Variants in CAB39 observed in about 807,000 individuals in gnomAD.
CAB39 encodes the protein calcium-binding protein 39.
In CAB39, 8 loss-of-function variants were observed where a neutral mutation model predicts 40.0. The ratio of observed to expected loss-of-function variants is 0.20; its 90% CI spans 0.12 to 0.36. The LOEUF is 0.36. Among genes scored for constraint, CAB39 ranks in the 10% least tolerant of loss-of-function variants. The pLI is 1.00. For synonymous variants in CAB39, 156 were observed against 141.6 expected, an observed-to-expected ratio of 1.10 and a Z score of -0.72; for missense variants, 270 against 401.1, an observed-to-expected ratio of 0.67 and a Z score of 2.79.
chr2:230,730,681 T>C (rs1310125869), intron 1 of CAB39, among the ~76,000 whole-genome samples: 3 of 152,090 alleles, frequency 2.0e-5, no homozygotes, highest in Non-Finnish European at 4.4e-5. Flanking sequence ...TGACCTCAGG[T>C]GATCCACCTG....
At chr2:230,726,511 A>G (rs556808411) in intron 1 of CAB39, among the ~76,000 whole-genome samples, 1 of 152,110 alleles carries the variant, frequency 6.6e-6, no homozygotes, top group Non-Finnish European at 1.5e-5. Flanking sequence ...ACTTGTGTTC[A>G]TTATAGTTAT....
At chr2:230,786,443 G>A (rs1695796234) in intron 2 of CAB39, among the ~76,000 whole-genome samples, 1 of 152,122 alleles carries the variant, frequency 6.6e-6, no homozygotes, top group Non-Finnish European at 1.5e-5. Flanking sequence ...GTACAATTCA[G>A]TGGTTTTTAA....
At chr2:230,796,269 T>TTTC (rs1449551194) in intron 4 of CAB39, among the ~76,000 whole-genome samples, 2 of 152,182 alleles carry the variant, frequency 1.3e-5, no homozygotes, top group Non-Finnish European at 2.9e-5. Context: ...CTGTTAGATA[T>TTTC]TTATTTGCGG....
rs1288649429 is a variant in CAB39 at position 230,729,613 on chromosome 2, C to T, written c.-44+16383C>T. ...TAAAAATACAAAAAAATCAGCTGGG[C>T]GTGGTGGCATGTGCCTGTAATCCCA... On this transcript the variant is annotated intron_variant, in intron 1 of 8. Transcript: ENST00000258418. 3.3e-5 allele frequency among the ~76,000 whole-genome samples: 5 copies of T among 152,000 alleles called. 1 individual carries two copies. Among genetic ancestry groups the T allele is most frequent in the South Asian group, 2.1e-4 (1 of 4,812 alleles).
intron 3 of CAB39, among the ~76,000 whole-genome samples, chr2:230,791,954 G>C (rs771354880): frequency 2.0e-5 from 3 of 152,176 alleles, no homozygotes; most frequent in Admixed American, 6.5e-5. Flanking sequence ...CCCAGTGTTT[G>C]TCAGCCTGAG....
intron 1 of CAB39, among the ~76,000 whole-genome samples, chr2:230,725,684 A>G (rs1391375942): frequency 6.6e-6 from 1 of 152,182 alleles, no homozygotes; most frequent in Non-Finnish European, 1.5e-5. Flanking sequence ...ATGTAGAATC[A>G]TCCTGGAACA....
intron 2 of CAB39, among the ~76,000 whole-genome samples, chr2:230,783,905 G>A (rs1695742280): frequency 1.3e-5 from 2 of 152,308 alleles, no homozygotes; most frequent in Non-Finnish European, 2.9e-5. Flanking sequence ...GATCAGGAAT[G>A]CTGATTTTCA....
At chr2:230,715,778 C>T (rs1282069942) in intron 1 of CAB39, among the ~76,000 whole-genome samples, 1 of 152,232 alleles carries the variant, frequency 6.6e-6, no homozygotes, top group African/African-American at 2.4e-5. Context: ...ACATGGCTCA[C>T]TGCAACCTCA....
chr2:230,816,742 G>A (rs1696408650), intron 7 of CAB39, among the ~76,000 whole-genome samples: 1 of 152,162 alleles, frequency 6.6e-6, no homozygotes, highest in Non-Finnish European at 1.5e-5. Flanking sequence ...ACTGATGCTC[G>A]TTTCTCACTG....
intron 1 of CAB39, among the ~76,000 whole-genome samples, chr2:230,733,205 T>C (rs1694726179): frequency 6.6e-6 from 1 of 152,202 alleles, no homozygotes; most frequent in South Asian, 2.1e-4. Flanking sequence ...CTGATGTATT[T>C]ATTCATCGTG....
At chr2:230,778,654 T>C (rs1340996414) in intron 2 of CAB39, among the ~76,000 whole-genome samples, 4 of 152,198 alleles carry the variant, frequency 2.6e-5, no homozygotes, top group Admixed American at 1.3e-4. Context: ...AAAAATCTCA[T>C]AGCCTTAGTG....
At chr2:230,789,623 C>A (rs1232998162) in intron 2 of CAB39, among the ~76,000 whole-genome samples, 1 of 152,170 alleles carries the variant, frequency 6.6e-6, no homozygotes, top group East Asian at 1.9e-4. Flanking sequence ...TGGTTCCTAG[C>A]CTTGGCTACT....
chr2:230,819,509 G>T lies in CAB39; in HGVS notation c.*805G>T, dbSNP rs770780267. The T allele has an allele frequency of 5.2e-5, 8 of 152,546 alleles. No homozygotes were observed. The highest frequency in any genetic ancestry group is 1.0e-4 in the Non-Finnish European group (7 of 68,010). 9.4% of individuals were successfully genotyped at this position (152,546 alleles called of 1,614,324 possible). A position where few individuals can be genotyped will look rare whatever the true frequency, so the allele number is the denominator to read the frequency against. Reference sequence around the variant, plus strand: ...CTTAGAATGCTCATTTCTTTTAAATGGTTTAATTTGTACAGCAGAGGAATG... The same window carrying T: ...CTTAGAATGCTCATTTCTTTTAAATTGTTTAATTTGTACAGCAGAGGAATG... On this transcript the variant is annotated 3_prime_UTR_variant, in exon 9 of 9. Transcript: ENST00000258418.
At chr2:230,793,616 C>T (rs1042167367) in intron 4 of CAB39, among the ~76,000 whole-genome samples, 21 of 152,094 alleles carry the variant, frequency 1.4e-4, no homozygotes, top group African/African-American at 4.8e-4. Context: ...GGTCTTATTT[C>T]TGTTCTCTAG....
intron 6 of CAB39, 53 bp downstream of exon 6, chr2:230,810,375 G>A (rs918937578): frequency 4.5e-6 from 3 of 669,266 alleles, no homozygotes; most frequent in Non-Finnish European, 7.5e-6. Context: ...TTTGTTACCA[G>A]AAATGAAAGA....
At chr2:230,754,785 G>A (rs1695160701) in intron 1 of CAB39, among the ~76,000 whole-genome samples, 1 of 152,102 alleles carries the variant, frequency 6.6e-6, no homozygotes, top group Non-Finnish European at 1.5e-5. Flanking sequence ...TCCCAAAATG[G>A]TGGGATTACA....
intron 1 of CAB39, among the ~76,000 whole-genome samples, chr2:230,757,730 A>G (rs1452766801): frequency 1.3e-5 from 2 of 152,214 alleles, no homozygotes; most frequent in African/African-American, 4.8e-5. Context: ...TTGCAGAGTT[A>G]CAGATAGGAA....
intron 1 of CAB39, among the ~76,000 whole-genome samples, chr2:230,724,683 A>AAAAAAACAC: frequency 6.6e-6 from 1 of 151,000 alleles, no homozygotes; most frequent in Non-Finnish European, 1.5e-5. Context: ...ACTCCATCTA[A>AAAAAAACAC]AAAAAACACA....
At chr2:230,732,940 C>T (rs1694720408) in intron 1 of CAB39, among the ~76,000 whole-genome samples, 1 of 152,122 alleles carries the variant, frequency 6.6e-6, no homozygotes, top group African/African-American at 2.4e-5. Context: ...CCAAGAGAGA[C>T]TTCTTTACGT....
Sources: gnomAD v4.1 joint callset for allele counts (sites outside exome capture counted in the v4.1 genomes callset) on GRCh38, gnomAD v4.1.1 for gene constraint, MANE v1.5 for transcripts, NCBI Gene and HGNC (gene_info 2026-07-23, HGNC 2026-07-21) for gene names.